The following ZNG1A variants were observed in gnomAD, a reference collection of about 807,000 sequenced individuals.
The protein encoded by ZNG1A is Zn regulated GTPase metalloprotein activator 1A.
At chr9:177,946 A>T in the ZNG1A span, 2 of 1,209,902 alleles carry the variant, frequency 1.7e-6, no homozygotes, top group Non-Finnish European at 2.3e-6. Context: ...TTTACATAAA[A>T]GGTCACGAAG....
chr9:143,088 G>A, the ZNG1A span, among the ~76,000 whole-genome samples: 1 of 144,700 alleles, frequency 6.9e-6, no homozygotes, highest in Non-Finnish European at 1.5e-5. Context: ...GGACCAGATA[G>A]ATTCACAGCT....
At chr9:131,676 T>C in the ZNG1A span, among the ~76,000 whole-genome samples, 1 of 147,210 alleles carries the variant, frequency 6.8e-6, no homozygotes, top group South Asian at 2.2e-4. Context: ...TTCTGATCCA[T>C]ACTCAGTCAG....
the ZNG1A span, among the ~76,000 whole-genome samples, chr9:131,803 C>T: frequency 2.0e-5 from 3 of 149,926 alleles, no homozygotes; most frequent in Admixed American, 6.6e-5. Flanking sequence ...GCATGGTCTC[C>T]GGACTCTAAA....
At chr9:154,869 G>C in the ZNG1A span, 3 of 1,366,986 alleles carry the variant, frequency 2.2e-6, no homozygotes, top group East Asian at 2.3e-5. Context: ...CATCAAAAGA[G>C]GAATGTTAAC....
the ZNG1A span, among the ~76,000 whole-genome samples, chr9:169,750 G>A: frequency 0.026 from 3,886 of 149,964 alleles, 197 homozygotes; most frequent in African/African-American, 0.093. Context: ...AAGCTGAGAT[G>A]ATTGTTAGCA....
At chr9:137,367 GAAA>G in the ZNG1A span, among the ~76,000 whole-genome samples, 2 of 94,782 alleles carry the variant, frequency 2.1e-5, no homozygotes, top group Non-Finnish European at 4.6e-5. Flanking sequence ...TCTCCAAGGG[GAAA>G]AAAAAAAAAA....
At chr9:161,147 A>T in the ZNG1A span, among the ~76,000 whole-genome samples, 108 of 152,304 alleles carry the variant, frequency 7.1e-4, no homozygotes, top group Middle Eastern at 3.4e-3. Flanking sequence ...TTCAGCAAAG[A>T]TTTGGGGAAA....
At chr9:136,820 T>C in the ZNG1A span, among the ~76,000 whole-genome samples, 2 of 151,974 alleles carry the variant, frequency 1.3e-5, no homozygotes, top group Non-Finnish European at 2.9e-5. Flanking sequence ...GGAGAATCAC[T>C]TGAGGCCAGG....
At chr9:177,404 C>G in the ZNG1A span, among the ~76,000 whole-genome samples, 7 of 151,628 alleles carry the variant, frequency 4.6e-5, no homozygotes, top group Non-Finnish European at 1.0e-4. Flanking sequence ...ATCACAGAAG[C>G]AGGATTTGGG....
the ZNG1A span, chr9:150,679 C>T: frequency 2.0e-6 from 2 of 982,324 alleles, no homozygotes; most frequent in African/African-American, 1.8e-5. Flanking sequence ...CACTTGCTCA[C>T]TCATCCACTT....
the ZNG1A span, among the ~76,000 whole-genome samples, chr9:140,306 C>A: frequency 6.6e-6 from 1 of 151,848 alleles, no homozygotes; most frequent in Non-Finnish European, 1.5e-5. Context: ...CAGCACGCAG[C>A]TGGAGATCTG....
the ZNG1A span, among the ~76,000 whole-genome samples, chr9:145,575 C>A: frequency 6.8e-6 from 1 of 147,086 alleles, no homozygotes; most frequent in Non-Finnish European, 1.5e-5. Context: ...GGAGGGATAG[C>A]ATTGGGAGAT....
At chr9:161,145 A>G in the ZNG1A span, among the ~76,000 whole-genome samples, 2 of 152,174 alleles carry the variant, frequency 1.3e-5, no homozygotes, top group East Asian at 3.8e-4. Flanking sequence ...ATTTCAGCAA[A>G]GATTTGGGGA....
the ZNG1A span, among the ~76,000 whole-genome samples, chr9:169,955 C>CCTGA: frequency 7.2e-6 from 1 of 138,476 alleles, no homozygotes; most frequent in African/African-American, 2.7e-5. Context: ...GCCTCAAACT[C>CCTGA]CTGAGCTCAA....
At chr9:162,512 T>C in the ZNG1A span, 7 of 1,574,200 alleles carry the variant, frequency 4.4e-6, no homozygotes, top group South Asian at 6.9e-5. Context: ...AAAAAGAATG[T>C]TTATTAATAT....
the ZNG1A span, among the ~76,000 whole-genome samples, chr9:139,427 C>A: frequency 1.3e-5 from 2 of 149,262 alleles, no homozygotes; most frequent in African/African-American, 5.1e-5. Flanking sequence ...GTGAAACATT[C>A]CAGAGATCTG....
At chr9:159,766 A>C in the ZNG1A span, among the ~76,000 whole-genome samples, 1 of 152,070 alleles carries the variant, frequency 6.6e-6, no homozygotes, top group South Asian at 2.1e-4. Context: ...ACCAGAGTGG[A>C]AATAAATCTA....
chr9:176,000 TC>T, the ZNG1A span, among the ~76,000 whole-genome samples: 34 of 150,268 alleles, frequency 2.3e-4, 4 homozygotes, highest in African/African-American at 8.2e-4. Flanking sequence ...TTACAAACAC[TC>T]CTACAAGTTG....
the ZNG1A span, among the ~76,000 whole-genome samples, chr9:176,400 CT>C: frequency 2.2e-3 from 304 of 137,228 alleles, 1 homozygote; most frequent in African/African-American, 7.6e-3. Context: ...ATTTCTTTAT[CT>C]TTTTTTTTTG....
Sources: gnomAD v4.1 joint callset for allele counts (sites outside exome capture counted in the v4.1 genomes callset) on GRCh38, gnomAD v4.1.1 for gene constraint, MANE v1.5 for transcripts, NCBI Gene and HGNC (gene_info 2026-07-23, HGNC 2026-07-21) for gene names.